The following VPS53 variants were observed in gnomAD, a reference collection of about 807,000 sequenced individuals.
The protein encoded by VPS53 is VPS53 subunit of GARP complex, also known as vacuolar protein sorting-associated protein 53 homolog.
A neutral mutation model predicts 107.0 loss-of-function variants in VPS53; 70 were observed. That is an observed-to-expected ratio of 0.65 (90% CI 0.54 to 0.80). VPS53 has a LOEUF of 0.80. VPS53 is among the 30% of genes least tolerant of loss of function. The probability of loss-of-function intolerance (pLI) is 0.00; values close to 1 mark genes in which losing one functional copy is unlikely to be tolerated. For missense variants in VPS53, 917 were observed against 1,049.4 expected (o/e 0.87, Z 1.74); for synonymous variants, 409 against 393.3 (o/e 1.04, Z -0.47).
intron 8 of VPS53, among the ~76,000 whole-genome samples, chr17:629,380 T>C (rs1240907649): frequency 2.6e-5 from 4 of 152,198 alleles, no homozygotes; most frequent in Non-Finnish European, 4.4e-5. Context: ...GGTTGTGCCT[T>C]GGAAAAATTT....
chr17:536,904 G>C, intron 18 of VPS53, 124 bp downstream of exon 18: 9 of 1,234,674 alleles, frequency 7.3e-6, no homozygotes, highest in Non-Finnish European at 1.0e-5. Context: ...ATGTTGGGGG[G>C]GTCAGGTACA....
chr17:602,181 C>G (rs1056504019), intron 11 of VPS53, among the ~76,000 whole-genome samples: 1 of 152,248 alleles, frequency 6.6e-6, no homozygotes, highest in Non-Finnish European at 1.5e-5. Flanking sequence ...CCTTTCCCAT[C>G]TGTCAGGTTT....
In VPS53 at chr17:513,720, T is replaced by G. The variant is rs878911514; in HGVS notation, c.*5408A>C. 1 of 132,146 alleles carries G rather than the reference T, an allele frequency of 7.6e-6. No individual in the cohort carries two copies. Among genetic ancestry groups the G allele is most frequent in the African/African-American group, 2.8e-5 (1 of 35,506 alleles). The allele number at this position is 132,146 out of a possible 1,614,324, so 8.2% of individuals were successfully genotyped here. On this transcript the variant is annotated 3_prime_UTR_variant, in exon 22 of 22. Transcript: ENST00000437048. ...CCGAGTGCTCTTCCTAGGGAAGGAA[T>G]CTCATTTCCAGCAGGTTATTCCGAG... is the stretch of plus-strand genomic sequence containing the variant.
intron 13 of VPS53, among the ~76,000 whole-genome samples, chr17:574,334 G>C (rs1914426594): frequency 6.6e-6 from 1 of 152,152 alleles, no homozygotes; most frequent in African/African-American, 2.4e-5. Flanking sequence ...AAAGTATCAT[G>C]AACAATGAGT....
intron 13 of VPS53, among the ~76,000 whole-genome samples, chr17:585,179 CGAA>C (rs1567650389): frequency 1.3e-5 from 2 of 152,188 alleles, no homozygotes; most frequent in Non-Finnish European, 2.9e-5. Flanking sequence ...AGCAAGTAAT[CGAA>C]GTCCCCAATA....
intron 8 of VPS53, 88 bp downstream of exon 8, chr17:631,462 G>T: frequency 1.4e-6 from 2 of 1,387,876 alleles, no homozygotes; most frequent in Non-Finnish European, 2.0e-6. Context: ...AGCATGACTG[G>T]AATGATAACC....
At chr17:596,348 G>A (rs902423773) in intron 12 of VPS53, among the ~76,000 whole-genome samples, 25 of 152,248 alleles carry the variant, frequency 1.6e-4, no homozygotes, top group African/African-American at 5.8e-4. Context: ...TAATTCCAAC[G>A]AACTCATCTT....
rs1317612212 is a variant in VPS53 at position 623,562 on chromosome 17, A to G, written c.1087T>C (p.Ser363Pro). 1 of 1,613,734 alleles carries G rather than the reference A, an allele frequency of 6.2e-7. No homozygotes were observed. The highest frequency in any genetic ancestry group is 8.5e-7 in the Non-Finnish European group (1 of 1,179,780). Reference protein sequence around the residue: ...NFEGFLAKRFSGCTLTDGTLK... With the variant: ...NFEGFLAKRFPGCTLTDGTLK... Reference sequence around the variant, plus strand: ...GTCCCATCGGTCAGGGTGCAGCCGGAGAAGCGTTTTGCAAGAAACCCCTCA... The same window carrying G: ...GTCCCATCGGTCAGGGTGCAGCCGGGGAAGCGTTTTGCAAGAAACCCCTCA... Residue 363 changes from serine (S) to proline (P), a missense_variant, in exon 11 of 22, where the codon TCC becomes CCC. Physicochemically the swap from Ser to Pro is moderately conservative, Grantham distance 74. Transcript: ENST00000437048.
intron 12 of VPS53, among the ~76,000 whole-genome samples, chr17:590,313 T>A (rs1326122502): frequency 6.6e-6 from 1 of 152,234 alleles, no homozygotes; most frequent in African/African-American, 2.4e-5. Flanking sequence ...TACAATCATG[T>A]CGTCTGCAAA....
At chr17:530,367 C>G (rs1909444464) in intron 19 of VPS53, among the ~76,000 whole-genome samples, 1 of 151,972 alleles carries the variant, frequency 6.6e-6, no homozygotes, top group African/African-American at 2.4e-5. Flanking sequence ...GTTGGTCAGG[C>G]TGGTCTTTAA....
intron 7 of VPS53, among the ~76,000 whole-genome samples, chr17:642,507 C>T (rs369546339): frequency 0.026 from 3,813 of 147,442 alleles, 37 homozygotes; most frequent in African/African-American, 0.059. Flanking sequence ...ACTTGGAAAG[C>T]GAGGACAACA....
chr17:655,840 G>A lies in VPS53; in HGVS notation c.486C>T (p.Leu162=), dbSNP rs756035238. The change falls in exon 6 of 22, where the codon CTC becomes CTT. Residue 162 remains leucine, a splice_region_variant and synonymous_variant. Transcript: ENST00000437048. ...LHMLAGGVDS[L]EAMTRRRQYG... is the part of the protein sequence containing the mutation. ...AAGAGAAAGTTGGCATTGCTTACTC[G>A]AGGGAGTCGACACCTCCTGCCAGCA... is the stretch of plus-strand genomic sequence containing the variant. 8.7e-6 allele frequency: 14 copies of A among 1,612,314 alleles called. No homozygotes were observed. The African/African-American group carries it at 1.3e-4, about 15-fold the overall frequency.
At chr17:670,302 A>C (rs1001002310) in intron 4 of VPS53, among the ~76,000 whole-genome samples, 1 of 152,166 alleles carries the variant, frequency 6.6e-6, no homozygotes, top group Non-Finnish European at 1.5e-5. Context: ...CTCCTCTTTT[A>C]AGACTCAAAT....
chr17:554,558 C>T (rs1431141355), intron 15 of VPS53, among the ~76,000 whole-genome samples: 2 of 152,096 alleles, frequency 1.3e-5, no homozygotes, highest in African/African-American at 4.8e-5. Flanking sequence ...CGTGCATCAC[C>T]ATGTCCGGCT....
At chr17:548,142 C>T (rs1284862759) in intron 17 of VPS53, among the ~76,000 whole-genome samples, 1 of 152,210 alleles carries the variant, frequency 6.6e-6, no homozygotes, top group African/African-American at 2.4e-5. Flanking sequence ...GAACAGGGCA[C>T]ATACTCCGGA....
rs1909002255 is a variant in VPS53 at position 524,716 on chromosome 17, T to G, written c.2086-2978A>C. ...ATCAGAGTCAGAAGTAAACAGATTA[T>G]TTGATAATCAAGTGTGGGCACGGCC... On this transcript the variant is annotated intron_variant, in intron 19 of 21. Coordinates refer to ENST00000437048, the MANE Select transcript of VPS53 (RefSeq NM_001128159.3). The surrounding 1 kb of genome is among the most constrained non-coding windows in gnomAD (Gnocchi z 4.5). 6.6e-6 allele frequency among the ~76,000 whole-genome samples: 1 copy of G among 152,208 alleles called. No individual in the cohort carries two copies. The highest frequency in any genetic ancestry group is 1.5e-5 in the Non-Finnish European group (1 of 68,034).
chr17:536,929 G>C, intron 18 of VPS53, 99 bp downstream of exon 18: 2 of 1,467,242 alleles, frequency 1.4e-6, no homozygotes, highest in Admixed American at 4.0e-5. Flanking sequence ...AAATCTCTGT[G>C]CTTGCTGCTT....
chr17:617,290 G>T (rs1480165521), intron 11 of VPS53, among the ~76,000 whole-genome samples: 2 of 152,208 alleles, frequency 1.3e-5, no homozygotes, highest in East Asian at 3.9e-4. Flanking sequence ...AGCATGGCTT[G>T]GGAAGGTCCG....
intron 2 of VPS53, among the ~76,000 whole-genome samples, chr17:700,699 C>T (rs1284404240): frequency 1.3e-5 from 2 of 152,050 alleles, no homozygotes; most frequent in African/African-American, 4.8e-5. Context: ...GGAAATGGTG[C>T]CCCCTAATGG....
Sources: gnomAD v4.1 joint callset for allele counts (sites outside exome capture counted in the v4.1 genomes callset) on GRCh38, gnomAD v4.1.1 for gene constraint, Gnocchi (gnomAD v3.1) non-coding constraint, MANE v1.5 for transcripts, NCBI Gene and HGNC (gene_info 2026-07-23, HGNC 2026-07-21) for gene names.